Variants in TRMT61A observed in about 807,000 individuals in gnomAD.
TRMT61A encodes the protein tRNA (adenine(58)-N(1))-methyltransferase catalytic subunit TRMT61A.
TRMT61A carries 15 observed loss-of-function variants against 21.3 expected under a neutral mutation model. The observed-to-expected ratio is 0.70, with a 90% confidence interval of 0.47 to 1.08. The LOEUF (loss-of-function observed/expected upper bound fraction) is 1.08. TRMT61A is among the 50% of genes least tolerant of loss of function. TRMT61A has a pLI of 0.00. For missense variants in TRMT61A, 352 were observed against 426.7 expected, an observed-to-expected ratio of 0.83 and a Z score of 1.54; for synonymous variants, 183 against 185.5, an observed-to-expected ratio of 0.99 and a Z score of 0.11.
intron 3 of TRMT61A, among the ~76,000 whole-genome samples, chr14:103,534,047 G>A (rs1002289492): frequency 6.6e-6 from 1 of 152,240 alleles, no homozygotes; most frequent in African/African-American, 2.4e-5. Flanking sequence ...AGTGAAGCCC[G>A]TGGCTGCCCT....
chr14:103,532,920 G>C, intron 3 of TRMT61A, 72 bp downstream of exon 3: 1 of 1,475,904 alleles, frequency 6.8e-7, no homozygotes, highest in Non-Finnish European at 9.0e-7. Flanking sequence ...GAGCTCCTGG[G>C]ATCTCAGAGG....
intron 3 of TRMT61A, 37 bp downstream of exon 3, chr14:103,532,885 G>A: frequency 2.0e-6 from 3 of 1,513,016 alleles, no homozygotes; most frequent in Non-Finnish European, 1.8e-6. Flanking sequence ...CAGCCTGGGT[G>A]GGGGTGGGGC....
Position 103,532,125 on chromosome 14 carries a change from A to C in TRMT61A, c.332-457A>C, listed in dbSNP as rs577619084. Among the ~76,000 whole-genome samples the C allele has an allele frequency of 6.6e-4, 100 of 152,202 alleles. 1 individual carries two copies. The highest frequency in any genetic ancestry group is 2.2e-3 in the African/African-American group (92 of 41,530). ...AAGGAGCTTCTGGGGAGAGGTGGGC[A>C]TGAGGACCGGCAGGGTGGGCCACTG... On this transcript the variant is annotated intron_variant, in intron 2 of 3. Coordinates refer to ENST00000389749, the MANE Select transcript of TRMT61A (RefSeq NM_152307.3).
chr14:103,535,387 G>A lies in TRMT61A; in HGVS notation c.*566G>A, dbSNP rs936758765. ...AGGCCAGCCCAGGAACCAGGGAGGT[G>A]ACCCTGCTCTCTGGCCTCCTGGCTG... On this transcript the variant is annotated 3_prime_UTR_variant, in exon 4 of 4. Coordinates refer to ENST00000389749, the MANE Select transcript of TRMT61A (RefSeq NM_152307.3). The A allele has an allele frequency of 2.0e-5, 9 of 455,632 alleles. No individual in the cohort carries two copies. The highest frequency in any genetic ancestry group is 1.8e-4 in the African/African-American group (9 of 50,028). 28.2% of individuals were successfully genotyped at this position (455,632 alleles called of 1,614,324 possible). A position where few individuals can be genotyped will look rare whatever the true frequency, so the allele number is the denominator to read the frequency against.
intron 2 of TRMT61A, 35 bp from the exon 3 acceptor site, chr14:103,532,547 A>C: frequency 6.2e-7 from 1 of 1,612,642 alleles, no homozygotes; most frequent in East Asian, 2.2e-5. Flanking sequence ...AGCAGTCCCA[A>C]CTGATGCCTT....
chr14:103,531,431 A>AGGCCCTGCAGTTGGAGCATGC lies in TRMT61A; in HGVS notation c.331+1123_332-1130dup, dbSNP rs1463111389. On this transcript the variant is annotated intron_variant, in intron 2 of 3. Transcript: ENST00000389749. This position sits in a 1 kb window ranked among gnomAD's most constrained non-coding sequence, Gnocchi z 5.1. ...TCTGCACCAAGGAGGAGCCGTGCCG[A>AGGCCCTGCAGTTGGAGCATGC]GGCCCTGCAGTTGGAGCATGCTGCC... Among the ~76,000 whole-genome samples, 76 of 152,330 alleles carry AGGCCCTGCAGTTGGAGCATGC rather than the reference A, an allele frequency of 5.0e-4. No individual in the cohort carries two copies. Among genetic ancestry groups the AGGCCCTGCAGTTGGAGCATGC allele is most frequent in the African/African-American group, 1.8e-3 (75 of 41,574 alleles).
chr14:103,534,376 T>C (rs1309425076), intron 3 of TRMT61A, among the ~76,000 whole-genome samples, 174 bp from the exon 4 acceptor site: 2 of 152,184 alleles, frequency 1.3e-5, no homozygotes, highest in Non-Finnish European at 2.9e-5. Context: ...GGGCTGTCAG[T>C]TGAGGGCCAG....
In TRMT61A at chr14:103,529,280, C is replaced by G; in HGVS notation, c.-30+19C>G. On this transcript the variant is annotated intron_variant, in intron 1 of 3. Transcript: ENST00000389749. The stretch of plus-strand genomic sequence containing the variant: ...GTCGCAGGTGAGACTCCGCGGGGTA[C>G]AGGGTGGCAGGGCGCGGGTGAGGGT... The G allele has an allele frequency of 3.5e-6, 1 of 283,066 alleles. No homozygotes were observed. Among genetic ancestry groups the G allele is most frequent in the South Asian group, 2.6e-5 (1 of 39,212 alleles). 17.5% of individuals were successfully genotyped at this position (283,066 alleles called of 1,614,324 possible).
rs1382093895 is a variant in TRMT61A, at chr14:103,531,714, G to C, written c.332-868G>C. Among the ~76,000 whole-genome samples, 1 of 152,178 alleles carries C rather than the reference G, an allele frequency of 6.6e-6. No homozygotes were observed. The highest frequency in any genetic ancestry group is 1.5e-5 in the Non-Finnish European group (1 of 68,022). On this transcript the variant is annotated intron_variant, in intron 2 of 3. Transcript: ENST00000389749. The surrounding 1 kb of genome is among the most constrained non-coding windows in gnomAD (Gnocchi z 5.1). ...TAGAGGGAGTGGAGGCACCTCCATG[G>C]GTCTGGCCCAAGCACTTGCGATGCT...
chr14:103,535,645 C>T lies in TRMT61A; in HGVS notation c.*824C>T. The T allele has an allele frequency of 3.2e-6, 1 of 312,284 alleles. No homozygotes were observed. The allele number at this position is 312,284 out of a possible 1,614,324, so 19.3% of individuals were successfully genotyped here. ...GAACTATGTGGGTACCCCTACCCCTCACAGAAGCCAAGGGCATGGAGGAGG... is the reference window on the plus strand; with the variant it reads ...GAACTATGTGGGTACCCCTACCCCTTACAGAAGCCAAGGGCATGGAGGAGG... On this transcript the variant is annotated 3_prime_UTR_variant, in exon 4 of 4. Coordinates refer to ENST00000389749, the MANE Select transcript of TRMT61A (RefSeq NM_152307.3).
rs2075959558 is a variant in TRMT61A at position 103,532,858 on chromosome 14, G to C, written c.598+10G>C. The C allele has an allele frequency of 6.5e-7, 1 of 1,539,430 alleles. No individual in the cohort carries two copies. Among genetic ancestry groups the C allele is most frequent in the Admixed American group, 2.0e-5 (1 of 51,264 alleles). ...GCCCTCAAGGTCGAAGGTGCATCCGGGGTTCCGGGAGAGGTACAGCCTGGG... is the reference window on the plus strand; with the variant it reads ...GCCCTCAAGGTCGAAGGTGCATCCGCGGTTCCGGGAGAGGTACAGCCTGGG... On this transcript the variant is annotated intron_variant, in intron 3 of 3. Coordinates refer to ENST00000389749, the MANE Select transcript of TRMT61A (RefSeq NM_152307.3).
chr14:103,530,121 A>T lies in TRMT61A; in HGVS notation c.143A>T (p.Asp48Val). The change falls in exon 2 of 4, where the codon GAC (aspartate) becomes GTC (valine). Residue 48 changes from aspartate (D) to valine (V), a missense_variant. By Grantham distance (152) the Asp-to-Val change is radical. Coordinates refer to ENST00000389749, the MANE Select transcript of TRMT61A (RefSeq NM_152307.3). Reference sequence around the variant, plus strand: ...CATGGTGTCCTGCGGCACTCAGTTGACCTTATCGGCCGCCCCTTCGGCTCC... The same window carrying T: ...CATGGTGTCCTGCGGCACTCAGTTGTCCTTATCGGCCGCCCCTTCGGCTCC... ...TRHGVLRHSVDLIGRPFGSKV... is the reference protein window; with the variant it reads ...TRHGVLRHSVVLIGRPFGSKV... 1.9e-6 allele frequency: 3 copies of T among 1,612,850 alleles called. No homozygotes were observed. The highest frequency in any genetic ancestry group is 2.5e-6 in the Non-Finnish European group (3 of 1,180,004).
intron 1 of TRMT61A, among the ~76,000 whole-genome samples, chr14:103,529,549 C>T (rs1348341402): frequency 6.6e-6 from 1 of 152,228 alleles, no homozygotes; most frequent in Non-Finnish European, 1.5e-5. Flanking sequence ...CCTCATTGAC[C>T]ATTTGCCTCT....
intron 3 of TRMT61A, among the ~76,000 whole-genome samples, chr14:103,534,348 G>A (rs1383507076): frequency 3.3e-5 from 5 of 152,190 alleles, no homozygotes; most frequent in South Asian, 4.1e-4. Flanking sequence ...CATGAACAGC[G>A]GCGCCAGGCC....
chr14:103,532,929 G>C, intron 3 of TRMT61A, 81 bp downstream of exon 3: 1 of 1,465,810 alleles, frequency 6.8e-7, no homozygotes, highest in Non-Finnish European at 9.1e-7. Flanking sequence ...GGATCTCAGA[G>C]GGGTCCAGAG....
In TRMT61A at chr14:103,535,065, A is replaced by G. The variant is rs1256994926; in HGVS notation, c.*244A>G. On this transcript the variant is annotated 3_prime_UTR_variant, in exon 4 of 4. Coordinates refer to ENST00000389749, the MANE Select transcript of TRMT61A (RefSeq NM_152307.3). The stretch of plus-strand genomic sequence containing the variant: ...CCATCCCAGCTGCTGTTTGTTGCCA[A>G]TATGAAGTATCCACTGCCACAGGCT... The G allele has an allele frequency of 2.9e-6, 2 of 700,202 alleles. No homozygotes were observed. Among genetic ancestry groups the G allele is most frequent in the Admixed American group, 2.0e-5 (1 of 49,676 alleles). The allele number at this position is 700,202 out of a possible 1,614,324, so 43.4% of individuals were successfully genotyped here. A position where few individuals can be genotyped will look rare whatever the true frequency, so the allele number is the denominator to read the frequency against.
In TRMT61A at chr14:103,535,897, G is replaced by A. The variant is rs7161305; in HGVS notation, c.*1076G>A. The A allele has an allele frequency of 0.22, 33,903 of 153,000 alleles. 4,564 individuals are homozygous for A. Among genetic ancestry groups the A allele is most frequent in the East Asian group, 0.29 (1,495 of 5,186 alleles). The allele number at this position is 153,000 out of a possible 1,614,324, so 9.5% of individuals were successfully genotyped here. ...CAGCCATGGGGCCCTTGGAGCTGCCGCTGGTGCCTAGGGGGCCTGGGTTTC... is the reference window on the plus strand; with the variant it reads ...CAGCCATGGGGCCCTTGGAGCTGCCACTGGTGCCTAGGGGGCCTGGGTTTC... On this transcript the variant is annotated 3_prime_UTR_variant, in exon 4 of 4. Transcript: ENST00000389749.
In TRMT61A at chr14:103,531,078, T is replaced by C. The variant is rs754288; in HGVS notation, c.331+769T>C. 0.99 allele frequency among the ~76,000 whole-genome samples: 150,311 copies of C among 152,280 alleles called. 74,226 individuals are homozygous for C. The highest frequency in any genetic ancestry group is 1 in the East Asian group (5,166 of 5,166). The stretch of plus-strand genomic sequence containing the variant: ...GCTGCTGCTCCTGTGCATCCTGTGG[T>C]GGGTGCTGGCCTCTCCGCCCCTGCC... On this transcript the variant is annotated intron_variant, in intron 2 of 3. Coordinates refer to ENST00000389749, the MANE Select transcript of TRMT61A (RefSeq NM_152307.3). This position sits in a 1 kb window ranked among gnomAD's most constrained non-coding sequence, Gnocchi z 5.1.
chr14:103,532,242 C>T (rs2075956966), intron 2 of TRMT61A, among the ~76,000 whole-genome samples: 1 of 152,162 alleles, frequency 6.6e-6, no homozygotes, highest in African/African-American at 2.4e-5. Context: ...CACAGATTTC[C>T]CCGGAGGCTC....
Sources: gnomAD v4.1 joint callset for allele counts (sites outside exome capture counted in the v4.1 genomes callset) on GRCh38, gnomAD v4.1.1 for gene constraint, Gnocchi (gnomAD v3.1) non-coding constraint, MANE v1.5 for transcripts, NCBI Gene and HGNC (gene_info 2026-07-23, HGNC 2026-07-21) for gene names.